Variants in ACSM2B observed in about 807,000 individuals in gnomAD.
The protein encoded by ACSM2B is acyl-CoA synthetase medium chain family member 2B.
A neutral mutation model predicts 78.6 loss-of-function variants in ACSM2B; 58 were observed. That is an observed-to-expected ratio of 0.74 (90% CI 0.60 to 0.92). ACSM2B has a LOEUF of 0.92. Ranked by LOEUF, ACSM2B falls within the 40% of genes least tolerant of loss-of-function variation. The pLI, the probability that ACSM2B is intolerant of heterozygous loss-of-function variation, is 0.00. For missense variants in ACSM2B, 688 were observed against 711.2 expected, an observed-to-expected ratio of 0.97 and a Z score of 0.37; for synonymous variants, 257 against 256.8, an observed-to-expected ratio of 1.00 and a Z score of -0.01.
At chr16:20,549,303 T>G (rs2015233924) in intron 6 of ACSM2B, among the ~76,000 whole-genome samples, 1 of 152,066 alleles carries the variant, frequency 6.6e-6, no homozygotes, top group African/African-American at 2.4e-5. Context: ...AAAATAAATT[T>G]ATTTCTTGCA....
At chr16:20,566,758 A>AGTATATATG in intron 1 of ACSM2B, among the ~76,000 whole-genome samples, 1 of 87,482 alleles carries the variant, frequency 1.1e-5, no homozygotes, top group East Asian at 2.7e-4. Flanking sequence ...TACTATATAT[A>AGTATATATG]GTATATATAG....
intron 2 of ACSM2B, among the ~76,000 whole-genome samples, chr16:20,564,001 C>G (rs1453222773): frequency 9.3e-5 from 14 of 149,962 alleles, no homozygotes; most frequent in African/African-American, 3.2e-4. Context: ...TATTGAAGCC[C>G]TTTTGATAAC....
chr16:20,552,710 T>C (rs1021197018), intron 5 of ACSM2B, among the ~76,000 whole-genome samples: 6 of 152,202 alleles, frequency 3.9e-5, no homozygotes, highest in African/African-American at 1.4e-4. Flanking sequence ...TTGCTTCTCT[T>C]TTCTTTAAGT....
At chr16:20,548,621 G>A (rs1205276906) in intron 6 of ACSM2B, 148 bp from the exon 7 acceptor site, 1 of 1,537,004 alleles carries the variant, frequency 6.5e-7, no homozygotes, top group Non-Finnish European at 8.8e-7. Flanking sequence ...CAAGTTAAAT[G>A]AGCCCCACAA....
chr16:20,545,164 C>A lies in ACSM2B; in HGVS notation c.1274G>T (p.Gly425Val), dbSNP rs747215255. ...KPIRPIGIFS[G>V]YVENPDKTAA... ...AGAAGCACAGTTTCTCACCACATAG[C>A]CAGAGAAGATGCCTATAGGCCTGAT... The change falls in exon 10 of 14, where the codon GGC (glycine) becomes GTC (valine). Residue 425 changes from glycine to valine, a missense_variant. Coordinates refer to ENST00000329697, the MANE Select transcript of ACSM2B (RefSeq NM_001105069.2). 6 of 1,612,610 alleles carry A rather than the reference C, an allele frequency of 3.7e-6. No homozygotes were observed. The highest frequency in any genetic ancestry group is 5.1e-6 in the Non-Finnish European group (6 of 1,178,940).
chr16:20,539,292 AT>A (rs1465991489), intron 13 of ACSM2B, among the ~76,000 whole-genome samples: 1 of 45,802 alleles, frequency 2.2e-5, no homozygotes, highest in East Asian at 3.1e-4. Context: ...CAGAAGACCT[AT>A]GACAATTAGC....
intron 12 of ACSM2B, 43 bp downstream of exon 12, chr16:20,542,871 G>C (rs1370796963): frequency 6.2e-7 from 1 of 1,609,892 alleles, no homozygotes; most frequent in Admixed American, 1.7e-5. Context: ...CACTGCCCTT[G>C]TGTTCATATC....
intron 1 of ACSM2B, among the ~76,000 whole-genome samples, chr16:20,572,531 A>G (rs1439073098): frequency 1.4e-5 from 2 of 140,600 alleles, no homozygotes; most frequent in African/African-American, 6.0e-5. Flanking sequence ...TTGGCTTTAG[A>G]TAACCTGATG....
chr16:20,542,565 G>A, intron 12 of ACSM2B: 1 of 284,630 alleles, frequency 3.5e-6, no homozygotes, highest in Non-Finnish European at 6.7e-6. Context: ...TAACATGGGA[G>A]TGTAGACATC....
chr16:20,562,898 CTA>C (rs1468911246), intron 2 of ACSM2B, among the ~76,000 whole-genome samples: 6 of 152,134 alleles, frequency 3.9e-5, no homozygotes, highest in Non-Finnish European at 5.9e-5. Flanking sequence ...CTACCTAGAC[CTA>C]TGATTCTACA....
intron 1 of ACSM2B, among the ~76,000 whole-genome samples, chr16:20,569,483 T>G (rs1167151562): frequency 1.3e-5 from 2 of 152,070 alleles, no homozygotes; most frequent in Non-Finnish European, 2.9e-5. Flanking sequence ...GGCCTTATAG[T>G]ACATTTTGAA....
chr16:20,537,018 C>G lies in ACSM2B; in HGVS notation c.*240G>C. On this transcript the variant is annotated 3_prime_UTR_variant, in exon 14 of 14. Transcript: ENST00000329697. The stretch of plus-strand genomic sequence containing the variant: ...TTTCTCTTGCAGTTTTTAACATTTC[C>G]CTGACTTACTTTTCTTTCCTCTTTT... 2.5e-6 allele frequency: 1 copy of G among 403,980 alleles called. No homozygotes were observed. Among genetic ancestry groups the G allele is most frequent in the Non-Finnish European group, 4.3e-6 (1 of 232,456 alleles). The allele number at this position is 403,980 out of a possible 1,614,324, so 25.0% of individuals were successfully genotyped here.
At chr16:20,563,726 A>C (rs2015736036) in intron 2 of ACSM2B, among the ~76,000 whole-genome samples, 1 of 151,646 alleles carries the variant, frequency 6.6e-6, no homozygotes, top group South Asian at 2.1e-4. Context: ...CTCCACACTA[A>C]GACTGTTTCA....
intron 7 of ACSM2B, 35 bp from the exon 8 acceptor site, chr16:20,548,220 C>G: frequency 6.2e-7 from 1 of 1,613,634 alleles, no homozygotes; most frequent in Admixed American, 1.7e-5. Flanking sequence ...CCCTCAGCCT[C>G]CCTGGAACCA....
intron 1 of ACSM2B, among the ~76,000 whole-genome samples, chr16:20,569,422 A>G (rs1157263750): frequency 7.3e-5 from 11 of 151,612 alleles, no homozygotes; most frequent in African/African-American, 2.7e-4. Flanking sequence ...CTTCTGTTCC[A>G]TGGTTCTACG....
chr16:20,541,661 C>CTTTCTT (rs1205443828), intron 12 of ACSM2B: 1 of 145,820 alleles, frequency 6.9e-6, no homozygotes, highest in Non-Finnish European at 1.5e-5. Flanking sequence ...TTCTTTTTTC[C>CTTTCTT]TTTCTTTTTC....
chr16:20,547,399 T>C (rs892291634), intron 8 of ACSM2B: 83 of 984,754 alleles, frequency 8.4e-5, no homozygotes, highest in African/African-American at 1.1e-4. Flanking sequence ...ACTCATTAGC[T>C]AAAGAAGGAT....
intron 1 of ACSM2B, among the ~76,000 whole-genome samples, chr16:20,570,201 A>G (rs1435240620): frequency 6.6e-6 from 1 of 151,960 alleles, no homozygotes; most frequent in African/African-American, 2.4e-5. Flanking sequence ...TGGGTTTGTC[A>G]TAGATGGCTT....
At position 20,536,775 on chromosome 16, in the gene ACSM2B, C is replaced by G. The variant is rs376761754; in HGVS notation, c.*483G>C. 3.3e-5 allele frequency: 5 copies of G among 150,002 alleles called. No homozygotes were observed. The East Asian group carries it at 7.8e-4, about 23-fold the overall frequency. The allele number at this position is 150,002 out of a possible 1,614,324, so 9.3% of individuals were successfully genotyped here. On this transcript the variant is annotated 3_prime_UTR_variant, in exon 14 of 14. Transcript: ENST00000329697. ...TTACAATTTTTTTCTCTCCCTTTCT[C>G]CCTCTCTTTCTCCCTCTCTTTCTTT... is the stretch of plus-strand genomic sequence containing the variant.
Sources: gnomAD v4.1 joint callset for allele counts (sites outside exome capture counted in the v4.1 genomes callset) on GRCh38, gnomAD v4.1.1 for gene constraint, MANE v1.5 for transcripts, NCBI Gene and HGNC (gene_info 2026-07-23, HGNC 2026-07-21) for gene names.